The following SULF2 variants were observed in gnomAD, a reference collection of about 807,000 sequenced individuals.
The protein encoded by SULF2 is sulfatase 2, also known as extracellular sulfatase Sulf-2.
In SULF2, 52 loss-of-function variants were observed where a neutral mutation model predicts 107.7. The observed-to-expected ratio is 0.48, with a 90% CI of 0.39 to 0.61. The LOEUF is 0.61. Ranked by LOEUF, SULF2 falls within the 20% of genes least tolerant of loss-of-function variation. SULF2 has a pLI of 0.00. For missense variants in SULF2, 993 were observed against 1,177.3 expected, an observed-to-expected ratio of 0.84 and a Z score of 2.29; for synonymous variants, 460 against 464.3, an observed-to-expected ratio of 0.99 and a Z score of 0.12.
At chr20:47,661,528 A>G (rs2087066038) in intron 18 of SULF2, 1 of 350,298 alleles carries the variant, frequency 2.9e-6, no homozygotes. Flanking sequence ...AGGGAGGACA[A>G]TGAAATGAGA....
intron 18 of SULF2, 40 bp downstream of exon 18, chr20:47,661,733 C>T: frequency 6.8e-7 from 1 of 1,466,654 alleles, no homozygotes; most frequent in Non-Finnish European, 9.2e-7. Flanking sequence ...CCTTTGGTTA[C>T]CCTGCTGTCC....
At chr20:47,770,053 GTT>G (rs56786760) in intron 1 of SULF2, among the ~76,000 whole-genome samples, 4,518 of 62,752 alleles carry the variant, frequency 0.072, 68 homozygotes, top group South Asian at 0.16. Flanking sequence ...ATCTGGTGTA[GTT>G]TTTTTTTTTT....
rs371523134 is a variant in SULF2 at position 47,658,376 on chromosome 20, C to T, written c.2599G>A (p.Gly867Ser). The T allele has an allele frequency of 2.8e-5, 45 of 1,614,106 alleles. No individual in the cohort carries two copies. The highest frequency in any genetic ancestry group is 3.7e-5 in the Non-Finnish European group (44 of 1,180,042). ...TCTGTTGTTTCTTAACCTTCCCAGC[C>T]TTCCCACAGTTGTCCCCTAAAGAAC... ...SSKSLGQLWE[G>S]WEG The change falls in exon 21 of 21, where the codon GGC (glycine) becomes AGC (serine). Residue 867 changes from glycine (G) to serine (S), a missense_variant. By Grantham distance (56) the Gly-to-Ser change is moderately conservative. Transcript: ENST00000688720.
chr20:47,763,041 T>C (rs575514028), intron 1 of SULF2, among the ~76,000 whole-genome samples: 2 of 152,330 alleles, frequency 1.3e-5, no homozygotes, highest in Admixed American at 6.5e-5. Flanking sequence ...GCCTTGTTTT[T>C]TTTCCTTTTT....
At chr20:47,712,962 G>C (rs1283202127) in intron 3 of SULF2, among the ~76,000 whole-genome samples, 1 of 152,170 alleles carries the variant, frequency 6.6e-6, no homozygotes, top group Non-Finnish European at 1.5e-5. Flanking sequence ...TTGAGCCCAG[G>C]AAGTGGAGGC....
chr20:47,679,205 G>A (rs557818490), intron 7 of SULF2, among the ~76,000 whole-genome samples: 2 of 152,242 alleles, frequency 1.3e-5, no homozygotes, highest in African/African-American at 4.8e-5. Flanking sequence ...CCCAGGCACA[G>A]TGCAGCCTCA....
intron 3 of SULF2, among the ~76,000 whole-genome samples, chr20:47,715,797 G>A (rs2089099888): frequency 6.6e-6 from 1 of 152,158 alleles, no homozygotes. Flanking sequence ...GGCCAGGCTG[G>A]TCTTGAGCTG....
At chr20:47,719,373 G>A (rs1300625739) in intron 3 of SULF2, among the ~76,000 whole-genome samples, 3 of 152,196 alleles carry the variant, frequency 2.0e-5, no homozygotes, top group Non-Finnish European at 2.9e-5. Context: ...TCCAGGAAGG[G>A]AAGTGAGCTT....
chr20:47,686,877 G>A (rs1158977421), intron 5 of SULF2, among the ~76,000 whole-genome samples: 3 of 152,086 alleles, frequency 2.0e-5, no homozygotes, highest in African/African-American at 7.2e-5. Context: ...ATTACAGAAC[G>A]GCCAGGCTCT....
chr20:47,665,654 G>A (rs544500111), intron 13 of SULF2, among the ~76,000 whole-genome samples: 7 of 152,368 alleles, frequency 4.6e-5, no homozygotes, highest in South Asian at 4.1e-4. Flanking sequence ...CTAAGCCATC[G>A]TCCCTCAGAC....
intron 1 of SULF2, among the ~76,000 whole-genome samples, chr20:47,784,660 AG>A (rs796227121): frequency 2.0e-5 from 3 of 152,270 alleles, no homozygotes; most frequent in African/African-American, 7.2e-5. Flanking sequence ...GCCCGGCACG[AG>A]GGGGTGCTCC....
rs111763887 is a variant in SULF2 at position 47,679,323 on chromosome 20, G to A, written c.1065-519C>T. On this transcript the variant is annotated intron_variant, in intron 7 of 20. Coordinates refer to ENST00000688720, the MANE Select transcript of SULF2 (RefSeq NM_001387048.1). Reference sequence around the variant, plus strand: ...CTTTGCTCTATGACCAAGGAGGCCCGTGACAGGCCTCAGTGGTCCCCAGAA... The same window carrying A: ...CTTTGCTCTATGACCAAGGAGGCCCATGACAGGCCTCAGTGGTCCCCAGAA... Among the ~76,000 whole-genome samples, 753 of 152,162 alleles carry A rather than the reference G, an allele frequency of 4.9e-3. 10 individuals are homozygous for A. The highest frequency in any genetic ancestry group is 0.017 in the African/African-American group (711 of 41,500).
At chr20:47,679,643 C>T (rs1169564473) in intron 7 of SULF2, among the ~76,000 whole-genome samples, 2 of 152,190 alleles carry the variant, frequency 1.3e-5, no homozygotes, top group South Asian at 2.1e-4. Flanking sequence ...TGAGCAGGGA[C>T]GCAGATGCTC....
chr20:47,699,879 A>C (rs780907691), intron 4 of SULF2, among the ~76,000 whole-genome samples: 1 of 152,162 alleles, frequency 6.6e-6, no homozygotes, highest in South Asian at 2.1e-4. Context: ...CACCTTCTCC[A>C]CCGTCTCCAC....
intron 3 of SULF2, among the ~76,000 whole-genome samples, chr20:47,718,972 AT>A (rs1238938507): frequency 1.2e-4 from 18 of 152,214 alleles, no homozygotes; most frequent in African/African-American, 4.1e-4. Context: ...CCAAGATATA[AT>A]TTCCTGAAAT....
Position 47,661,846 on chromosome 20 carries a change from G to A in SULF2, c.2421C>T (p.His807=), listed in dbSNP as rs147955521. 1.9e-5 allele frequency: 30 copies of A among 1,595,074 alleles called. No individual in the cohort carries two copies. The highest frequency in any genetic ancestry group is 2.3e-5 in the South Asian group (2 of 88,430). ...AGCTCCTCAGCTCCATGAGCTGTAC[G>A]TGTAGCTGGTTGAGGACATCCCTGT... ...TLDRDVLNQL[H]VQLMELRSCK... The change falls in exon 18 of 21, where the codon CAC becomes CAT. Residue 807 remains histidine, a synonymous_variant. Transcript: ENST00000688720.
In SULF2 at chr20:47,741,327, C is replaced by T. The variant is rs1364693047; in HGVS notation, c.176-4385G>A. ...ACAGACTGACCAGGCGTGCTCCCATCCCAGAACCTGTGCCCTGCTGTTCCT... is the reference window on the plus strand; with the variant it reads ...ACAGACTGACCAGGCGTGCTCCCATTCCAGAACCTGTGCCCTGCTGTTCCT... On this transcript the variant is annotated intron_variant, in intron 2 of 20. Coordinates refer to ENST00000688720, the MANE Select transcript of SULF2 (RefSeq NM_001387048.1). 4.0e-5 allele frequency among the ~76,000 whole-genome samples: 6 copies of T among 151,686 alleles called. No homozygotes were observed. The East Asian group carries it at 1.2e-3, about 30-fold the overall frequency.
intron 3 of SULF2, among the ~76,000 whole-genome samples, chr20:47,714,063 G>C (rs982542063): frequency 6.6e-6 from 1 of 152,326 alleles, no homozygotes; most frequent in South Asian, 2.1e-4. Flanking sequence ...GTTTGCCAAA[G>C]CAATTCAGAG....
chr20:47,727,436 G>A (rs929903604), intron 3 of SULF2, among the ~76,000 whole-genome samples: 2 of 152,154 alleles, frequency 1.3e-5, no homozygotes, highest in Non-Finnish European at 2.9e-5. Context: ...CAGGGAAAGC[G>A]TGGCCCTGAT....
Sources: gnomAD v4.1 joint callset for allele counts (sites outside exome capture counted in the v4.1 genomes callset) on GRCh38, gnomAD v4.1.1 for gene constraint, MANE v1.5 for transcripts, NCBI Gene and HGNC (gene_info 2026-07-23, HGNC 2026-07-21) for gene names.